The following ARHGAP29 variants were observed in gnomAD, a reference collection of about 807,000 sequenced individuals.
The protein encoded by ARHGAP29 is rho GTPase-activating protein 29.
A neutral mutation model predicts 122.6 loss-of-function variants in ARHGAP29; 43 were observed. The ratio of observed to expected loss-of-function variants is 0.35; its 90% CI spans 0.27 to 0.45. The LOEUF (loss-of-function observed/expected upper bound fraction) is 0.45, where lower values mean the gene tolerates loss of function less well. ARHGAP29 is among the 20% of genes least tolerant of loss of function. The pLI is 1.00. For synonymous variants in ARHGAP29, 506 were observed against 497.1 expected (o/e 1.02, Z -0.24); for missense variants, 1,303 against 1,477.2 (o/e 0.88, Z 1.93).
chr1:94,310,231 G>A, the ARHGAP29 span, among the ~76,000 whole-genome samples: 1 of 152,176 alleles, frequency 6.6e-6, no homozygotes, highest in East Asian at 1.9e-4. Context: ...TACAGGGGTT[G>A]TAGTAGACAA....
chr1:94,239,136 C>A (rs74102131), upstream of ARHGAP29, among the ~76,000 whole-genome samples: 119 of 152,138 alleles, frequency 7.8e-4, no homozygotes, highest in Admixed American at 2.4e-3. Flanking sequence ...AAGAAAAATG[C>A]GCCAAGGACT....
At chr1:94,223,997 C>T (rs1006936570) in intron 2 of ARHGAP29, among the ~76,000 whole-genome samples, 3 of 151,908 alleles carry the variant, frequency 2.0e-5, no homozygotes, top group Admixed American at 6.6e-5. Flanking sequence ...TTAGTAGAGA[C>T]GAGGTTTCAC....
At chr1:94,193,769 A>C (rs183748605) in intron 12 of ARHGAP29, 88 of 152,376 alleles carry the variant, frequency 5.8e-4, no homozygotes, top group African/African-American at 1.6e-3. Context: ...CATTACCAGC[A>C]GACCTGCTAT....
At position 94,174,473 on chromosome 1, in the gene ARHGAP29, G is replaced by A. The variant is rs751482923; in HGVS notation, c.3182C>T (p.Ala1061Val). The change falls in exon 23 of 23, where the codon GCT becomes GTT. Residue 1061 changes from alanine to valine, a missense_variant. Ala to Val is a moderately conservative substitution (Grantham distance 64). Around this residue, in one of 3 missense-constraint regions of ARHGAP29, gnomAD observed 620 missense variants for 651.2 expected, o/e 0.95. Transcript: ENST00000260526. ...AAATTTGGAACAAACAGTAGTAGCA[G>A]CGTCTTTTCTATTAACTCCTTCAAA... Reference protein sequence around the residue: ...PAFEGVNRKDAATTVCSKFNG... With the variant: ...PAFEGVNRKDVATTVCSKFNG... The A allele has an allele frequency of 6.2e-7, 1 of 1,614,208 alleles. No individual in the cohort carries two copies. The highest frequency in any genetic ancestry group is 2.2e-5 in the East Asian group (1 of 44,886).
chr1:94,274,641 G>A (rs1274410453), intron 1 of ARHGAP29, among the ~76,000 whole-genome samples: 1 of 152,206 alleles, frequency 6.6e-6, no homozygotes, highest in African/African-American at 2.4e-5. Context: ...ATATTATGGG[G>A]CAGGGATTGG....
the ARHGAP29 span, among the ~76,000 whole-genome samples, chr1:94,294,976 A>G: frequency 4.6e-5 from 7 of 152,236 alleles, no homozygotes; most frequent in African/African-American, 1.7e-4. Context: ...TTCCATAGAC[A>G]GAGTGAGACT....
chr1:94,217,860 C>A (rs199646791), intron 3 of ARHGAP29, among the ~76,000 whole-genome samples: 1 of 150,872 alleles, frequency 6.6e-6, no homozygotes, highest in African/African-American at 2.4e-5. Flanking sequence ...TAAAAAAAAA[C>A]AAAAAAAAAA....
chr1:94,299,168 C>A, the ARHGAP29 span, among the ~76,000 whole-genome samples: 1 of 152,284 alleles, frequency 6.6e-6, no homozygotes, highest in African/African-American at 2.4e-5. Context: ...CAAGTAAAAT[C>A]CAAAGCTTAT....
intron 2 of ARHGAP29, among the ~76,000 whole-genome samples, chr1:94,225,559 A>G (rs1652564105): frequency 6.6e-6 from 1 of 152,112 alleles, no homozygotes; most frequent in Admixed American, 6.5e-5. Flanking sequence ...TGACTAAGGA[A>G]GAAAAGACAT....
chr1:94,238,053 A>ATTT (rs71717670), upstream of ARHGAP29, among the ~76,000 whole-genome samples: 7 of 61,008 alleles, frequency 1.1e-4, 1 homozygote, highest in Non-Finnish European at 1.4e-4. Context: ...GCCTATCTGT[A>ATTT]TTTTTTTTTT....
At chr1:94,285,087 G>A in the ARHGAP29 span, among the ~76,000 whole-genome samples, 1 of 152,194 alleles carries the variant, frequency 6.6e-6, no homozygotes, top group African/African-American at 2.4e-5. Context: ...GGCACAGAGT[G>A]AGGTGTCATG....
intron 3 of ARHGAP29, among the ~76,000 whole-genome samples, chr1:94,212,010 T>C (rs1651649630): frequency 6.7e-6 from 1 of 150,252 alleles, no homozygotes; most frequent in Non-Finnish European, 1.5e-5. Context: ...AAAAAGGAAA[T>C]TAAAAAGTAT....
rs541288549 is a variant in ARHGAP29, at chr1:94,193,153, A to C, written c.1282-3070T>G. On this transcript the variant is annotated intron_variant, in intron 12 of 22. Transcript: ENST00000260526. ...TTTATTGCTGAAAAATAAAATATCC[A>C]GAACAAAAAATTTACTGGATGAACT... 6 of 152,266 alleles carry C rather than the reference A, an allele frequency of 3.9e-5. No individual in the cohort carries two copies. In the South Asian group the frequency reaches 1.2e-3, roughly 32 times the overall value. 9.4% of individuals were successfully genotyped at this position (152,266 alleles called of 1,614,324 possible).
the ARHGAP29 span, among the ~76,000 whole-genome samples, chr1:94,312,047 A>G: frequency 4.6e-5 from 7 of 152,118 alleles, no homozygotes; most frequent in African/African-American, 1.2e-4. Flanking sequence ...TAACAAACAA[A>G]CAACACCTTT....
rs762285236 is a variant in ARHGAP29, at chr1:94,202,477, T to G, written c.1143+67A>C. 3.8e-6 allele frequency: 6 copies of G among 1,583,504 alleles called. No individual in the cohort carries two copies. The African/African-American group carries it at 8.1e-5, about 21-fold the overall frequency. On this transcript the variant is annotated intron_variant, in intron 11 of 22. Coordinates refer to ENST00000260526, the MANE Select transcript of ARHGAP29 (RefSeq NM_004815.4). ...AGGCAGTCTTGGCAGACGCAGAACT[T>G]TGACACCAAACTCCTGGCAGATTAC...
chr1:94,291,096 G>A, the ARHGAP29 span, among the ~76,000 whole-genome samples: 1 of 152,090 alleles, frequency 6.6e-6, no homozygotes. Context: ...ATGAATCTGG[G>A]TGCTCCTGTA....
At chr1:94,208,191 C>T (rs866310482) in intron 5 of ARHGAP29, among the ~76,000 whole-genome samples, 1 of 152,120 alleles carries the variant, frequency 6.6e-6, no homozygotes, top group African/African-American at 2.4e-5. Context: ...GTCTTGAACT[C>T]CTAGCTTCAA....
Position 94,173,945 on chromosome 1 carries a change from G to A in ARHGAP29, c.3710C>T (p.Pro1237Leu). Residue 1237 changes from proline to leucine, a missense_variant, in exon 23 of 23, where the codon CCA becomes CTA. Around this residue, in one of 3 missense-constraint regions of ARHGAP29, gnomAD observed 620 missense variants for 651.2 expected, o/e 0.95. Coordinates refer to ENST00000260526, the MANE Select transcript of ARHGAP29 (RefSeq NM_004815.4). Reference sequence around the variant, plus strand: ...TTTTAGCCTTGGTCTCTGACACATTGGATTCACATCAGGCAAGCCAAGCTC... The same window carrying A: ...TTTTAGCCTTGGTCTCTGACACATTAGATTCACATCAGGCAAGCCAAGCTC... ...SEELGLPDVN[P>L]MCQRPRLKRM... 1.9e-6 allele frequency: 3 copies of A among 1,614,160 alleles called. No homozygotes were observed. Among genetic ancestry groups the A allele is most frequent in the Non-Finnish European group, 2.5e-6 (3 of 1,180,026 alleles).
At chr1:94,268,360 C>T (rs539190053) in intron 1 of ARHGAP29, among the ~76,000 whole-genome samples, 6 of 152,154 alleles carry the variant, frequency 3.9e-5, no homozygotes, top group African/African-American at 1.4e-4. Context: ...CCTACCACTC[C>T]CCAGTCCCAG....
Sources: gnomAD v4.1 joint callset for allele counts (sites outside exome capture counted in the v4.1 genomes callset) on GRCh38, gnomAD v4.1.1 for gene constraint, gnomAD v4.1.1 regional missense constraint, MANE v1.5 for transcripts, NCBI Gene and HGNC (gene_info 2026-07-23, HGNC 2026-07-21) for gene names.